The following SAMD5 variants were observed in gnomAD, a reference collection of about 807,000 sequenced individuals.
The protein encoded by SAMD5 is sterile alpha motif domain-containing protein 5.
A neutral mutation model predicts 11.3 loss-of-function variants in SAMD5; 13 were observed. The observed-to-expected ratio is 1.15, with a 90% CI of 0.75 to 1.83. The LOEUF (loss-of-function observed/expected upper bound fraction) is 1.83. Ranked by LOEUF, SAMD5 falls within the 40% of genes most tolerant of loss-of-function variation. The probability of loss-of-function intolerance (pLI) is 0.00; values close to 1 mark genes in which losing one functional copy is unlikely to be tolerated. For synonymous variants in SAMD5, 129 were observed against 111.3 expected, an observed-to-expected ratio of 1.16 and a Z score of -1.00; for missense variants, 255 against 239.1, an observed-to-expected ratio of 1.07 and a Z score of -0.44.
chr6:147,894,319 T>C, the SAMD5 span, among the ~76,000 whole-genome samples: 7 of 152,102 alleles, frequency 4.6e-5, no homozygotes, highest in African/African-American at 1.7e-4. Context: ...AGACGGGGTT[T>C]TACCATGTTA....
chr6:147,720,619 A>C (rs1232409202), intron 1 of SAMD5, among the ~76,000 whole-genome samples: 1 of 152,144 alleles, frequency 6.6e-6, no homozygotes, highest in East Asian at 1.9e-4. Flanking sequence ...CAGCTTCCTG[A>C]ACTTCTCAGT....
intron 1 of SAMD5, among the ~76,000 whole-genome samples, chr6:147,533,444 A>G (rs1218885450): frequency 1.4e-5 from 2 of 147,888 alleles, no homozygotes; most frequent in African/African-American, 2.5e-5. Flanking sequence ...CCTGGGCAAC[A>G]AGAGCGAAAT....
chr6:147,890,932 C>G, the SAMD5 span, among the ~76,000 whole-genome samples: 1 of 151,950 alleles, frequency 6.6e-6, no homozygotes, highest in Admixed American at 6.6e-5. Context: ...GACAATGGCA[C>G]AATGCACTAT....
chr6:147,940,202 A>ATTT, the SAMD5 span, among the ~76,000 whole-genome samples: 4 of 133,170 alleles, frequency 3.0e-5, no homozygotes, highest in Non-Finnish European at 6.5e-5. Flanking sequence ...GGCAGAATTC[A>ATTT]TTTTTTTTTT....
intron 1 of SAMD5, among the ~76,000 whole-genome samples, chr6:147,638,100 G>A (rs1321164215): frequency 6.6e-6 from 1 of 151,850 alleles, no homozygotes; most frequent in Non-Finnish European, 1.5e-5. Flanking sequence ...TTGACTGAGT[G>A]TTCTCTCTCT....
chr6:147,934,781 G>A, the SAMD5 span, among the ~76,000 whole-genome samples: 2 of 152,132 alleles, frequency 1.3e-5, no homozygotes, highest in Non-Finnish European at 2.9e-5. Context: ...AAGAAAACGT[G>A]CATGAAGGGG....
At chr6:147,610,619 T>G (rs1789769222) in intron 1 of SAMD5, among the ~76,000 whole-genome samples, 1 of 152,224 alleles carries the variant, frequency 6.6e-6, no homozygotes, top group African/African-American at 2.4e-5. Flanking sequence ...CCACTAGTTC[T>G]TTTAATCAGA....
the SAMD5 span, among the ~76,000 whole-genome samples, chr6:147,782,226 G>A: frequency 2.0e-5 from 3 of 152,130 alleles, no homozygotes; most frequent in East Asian, 3.9e-4. Flanking sequence ...TAGGCTTAAA[G>A]GTTGAAAAAG....
chr6:147,641,015 T>G (rs771654698), intron 1 of SAMD5, among the ~76,000 whole-genome samples: 8 of 152,248 alleles, frequency 5.3e-5, no homozygotes, highest in Non-Finnish European at 1.0e-4. Context: ...AATAGTAAGT[T>G]TGATTCCTTA....
At chr6:147,867,363 A>G in the SAMD5 span, among the ~76,000 whole-genome samples, 1 of 151,568 alleles carries the variant, frequency 6.6e-6, no homozygotes, top group Non-Finnish European at 1.5e-5. Flanking sequence ...ATGGAGAGAG[A>G]AAGATATCTT....
intron 1 of SAMD5, among the ~76,000 whole-genome samples, chr6:147,594,991 T>G (rs1277721971): frequency 1.3e-5 from 2 of 152,194 alleles, no homozygotes; most frequent in Admixed American, 1.3e-4. Flanking sequence ...TAACCCCAGG[T>G]GGAAAATATA....
the SAMD5 span, among the ~76,000 whole-genome samples, chr6:147,942,798 A>G: frequency 2.7e-5 from 4 of 150,400 alleles, no homozygotes; most frequent in African/African-American, 9.8e-5. Flanking sequence ...AAATGTATGT[A>G]ATGCTTATAT....
the SAMD5 span, among the ~76,000 whole-genome samples, chr6:147,789,096 C>CA: frequency 3.6e-3 from 367 of 101,008 alleles, 4 homozygotes; most frequent in East Asian, 8.3e-3. Context: ...AACAAACAAA[C>CA]AAACAAAAAA....
At chr6:147,901,149 G>C in the SAMD5 span, among the ~76,000 whole-genome samples, 2 of 152,246 alleles carry the variant, frequency 1.3e-5, no homozygotes, top group Admixed American at 1.3e-4. Flanking sequence ...GCTAATGATA[G>C]TACCAGTATT....
the SAMD5 span, among the ~76,000 whole-genome samples, chr6:147,789,504 T>C: frequency 6.6e-6 from 1 of 152,174 alleles, no homozygotes; most frequent in African/African-American, 2.4e-5. Flanking sequence ...ATTTTTAGAT[T>C]TATTGAAAAG....
At chr6:147,838,832 A>G in the SAMD5 span, among the ~76,000 whole-genome samples, 1 of 152,072 alleles carries the variant, frequency 6.6e-6, no homozygotes, top group Non-Finnish European at 1.5e-5. Context: ...TCCACATATC[A>G]TCGGTAAGGG....
At chr6:147,737,446 T>C in exon 2 of SAMD5, 1 of 806,860 alleles carries the variant, frequency 1.2e-6, no homozygotes, top group Non-Finnish European at 1.8e-6. Flanking sequence ...TTTGGACACA[T>C]AATTTTGCCT....
In SAMD5 at chr6:147,626,526, A is replaced by G. The variant is rs139600408; in HGVS notation, c.163-110791A>G. ...TTGTAACTAGTGTGATTTTTATGCC[A>G]TTTAGATCAGCTGTATAGTCTTGAA... On this transcript the variant is annotated intron_variant, in intron 1 of 1. Coordinates refer to the SAMD5 transcript ENST00000566741. Among the ~76,000 whole-genome samples the G allele has an allele frequency of 1.1e-3, 168 of 152,156 alleles. 1 individual carries two copies. Among genetic ancestry groups the G allele is most frequent in the African/African-American group, 3.8e-3 (159 of 41,528 alleles).
chr6:147,774,775 T>A, the SAMD5 span, among the ~76,000 whole-genome samples: 2 of 152,168 alleles, frequency 1.3e-5, no homozygotes, highest in African/African-American at 4.8e-5. Context: ...TCTGTGGATG[T>A]GGAACCCATG....
Sources: allele counts gnomAD v4.1 joint callset (sites outside exome capture counted in the v4.1 genomes callset), GRCh38; gene constraint gnomAD v4.1.1; transcripts MANE v1.5; gene names NCBI Gene and HGNC (gene_info 2026-07-23, HGNC 2026-07-21).